Variants in ASCC3 observed in about 807,000 individuals in gnomAD.
ASCC3 encodes activating signal cointegrator 1 complex subunit 3.
ASCC3 carries 158 observed loss-of-function variants against 256.3 expected under a neutral mutation model. The ratio of observed to expected loss-of-function variants is 0.62; its 90% CI spans 0.54 to 0.70. The LOEUF is 0.70. Among genes scored for constraint, ASCC3 ranks in the 30% least tolerant of loss-of-function variants. The pLI, the probability that ASCC3 is intolerant of heterozygous loss-of-function variation, is 0.00. For synonymous variants in ASCC3, 948 were observed against 883.4 expected (o/e 1.07, Z -1.30); for missense variants, 2,259 against 2,626.0 (o/e 0.86, Z 3.05).
intron 37 of ASCC3, among the ~76,000 whole-genome samples, chr6:100,522,039 G>A (rs1039031476): frequency 3.3e-5 from 5 of 152,152 alleles, no homozygotes; most frequent in African/African-American, 9.7e-5. Context: ...AACAATAAAA[G>A]GTTGTTTTAG....
chr6:100,863,247 A>G (rs1262954516), intron 3 of ASCC3, among the ~76,000 whole-genome samples: 1 of 152,218 alleles, frequency 6.6e-6, no homozygotes, highest in Non-Finnish European at 1.5e-5. Flanking sequence ...TTTTAGCCTT[A>G]GGAAAGTAAC....
intron 36 of ASCC3, among the ~76,000 whole-genome samples, chr6:100,576,909 A>AG (rs558065268): frequency 1.6e-3 from 237 of 151,806 alleles, no homozygotes; most frequent in African/African-American, 5.6e-3. Context: ...ATGTCACAGG[A>AG]GAAAAAAAAA....
At chr6:100,801,302 T>C (rs1769904998) in intron 5 of ASCC3, among the ~76,000 whole-genome samples, 1 of 152,084 alleles carries the variant, frequency 6.6e-6, no homozygotes, top group South Asian at 2.1e-4. Context: ...CAATAAACAT[T>C]TACTGTATTG....
chr6:100,606,739 C>T lies in ASCC3; in HGVS notation c.5044+1G>A. Reference sequence around the variant, plus strand: ...TATTTCTGTGAATTTAAGAAAATTACCTGTAATGGGAAAATCCACATAACG... The same window carrying T: ...TATTTCTGTGAATTTAAGAAAATTATCTGTAATGGGAAAATCCACATAACG... On this transcript the variant is annotated splice_donor_variant, in intron 32 of 41. Transcript: ENST00000369162. LOFTEE classifies it high-confidence loss of function. 6.3e-7 allele frequency: 1 copy of T among 1,592,770 alleles called. No individual in the cohort carries two copies. Among genetic ancestry groups the T allele is most frequent in the Non-Finnish European group, 8.5e-7 (1 of 1,173,758 alleles).
At chr6:100,717,227 T>C (rs1456570152) in intron 12 of ASCC3, among the ~76,000 whole-genome samples, 1 of 152,010 alleles carries the variant, frequency 6.6e-6, no homozygotes, top group Non-Finnish European at 1.5e-5. Context: ...GTGAATATTT[T>C]ACCTATAATA....
chr6:100,778,718 TGCA>T (rs1408107987), intron 8 of ASCC3, among the ~76,000 whole-genome samples: 6 of 152,138 alleles, frequency 3.9e-5, no homozygotes, highest in African/African-American at 1.4e-4. Context: ...CATACAACAA[TGCA>T]GATTTTTTAA....
intron 29 of ASCC3, among the ~76,000 whole-genome samples, chr6:100,626,807 T>C (rs1774259856): frequency 6.6e-6 from 1 of 152,130 alleles, no homozygotes; most frequent in African/African-American, 2.4e-5. Context: ...CTCTTGTCTT[T>C]CTTTAAACCT....
At chr6:100,856,427 C>CT in intron 3 of ASCC3, 1 of 979,810 alleles carries the variant, frequency 1.0e-6, no homozygotes, top group Non-Finnish European at 1.2e-6. Context: ...GCATGTGTTA[C>CT]TTATCAATCT....
At position 100,608,118 on chromosome 6, in the gene ASCC3, C is replaced by CATATATGTATATATATG. The variant is rs1773044100; in HGVS notation, c.4786-1031_4786-1030insCATATATATACATATAT. Among the ~76,000 whole-genome samples, 89 of 23,358 alleles carry CATATATGTATATATATG rather than the reference C, an allele frequency of 3.8e-3. 1 individual carries two copies. Among genetic ancestry groups the CATATATGTATATATATG allele is most frequent in the African/African-American group, 0.011 (88 of 8,322 alleles). The allele number at this position is 23,358 out of a possible 152,430, so 15.3% of individuals were successfully genotyped here. A position where few individuals can be genotyped will look rare whatever the true frequency, so the allele number is the denominator to read the frequency against. On this transcript the variant is annotated intron_variant, in intron 30 of 41. Transcript: ENST00000369162. ...TATACACATATATATGTATATATATCTATATATACATATATATGTATATAT... is the reference window on the plus strand; with the variant it reads ...TATACACATATATATGTATATATATCATATATGTATATATATGTATATATACATATATATGTATATAT...
chr6:100,860,884 C>T (rs138486652), intron 3 of ASCC3, among the ~76,000 whole-genome samples: 2 of 152,134 alleles, frequency 1.3e-5, no homozygotes, highest in East Asian at 1.9e-4. Context: ...AAAAGTAAAT[C>T]GTGTCAACTC....
chr6:100,695,413 T>C (rs1778036660), intron 13 of ASCC3, among the ~76,000 whole-genome samples: 1 of 152,136 alleles, frequency 6.6e-6, no homozygotes, highest in Non-Finnish European at 1.5e-5. Flanking sequence ...TGTGTGTCCC[T>C]TCCAGACACC....
chr6:100,836,091 TG>T, intron 4 of ASCC3, among the ~76,000 whole-genome samples: 1 of 152,164 alleles, frequency 6.6e-6, no homozygotes, highest in East Asian at 1.9e-4. Flanking sequence ...TACTGATTTT[TG>T]TATGTTGATT....
intron 4 of ASCC3, among the ~76,000 whole-genome samples, chr6:100,833,794 G>T (rs1248745809): frequency 6.6e-6 from 1 of 152,154 alleles, no homozygotes; most frequent in Non-Finnish European, 1.5e-5. Flanking sequence ...CGCTTTTAAA[G>T]GCTGAAATCC....
At chr6:100,869,425 ATATC>A (rs991065086) in intron 1 of ASCC3, among the ~76,000 whole-genome samples, 1 of 152,344 alleles carries the variant, frequency 6.6e-6, no homozygotes, top group East Asian at 1.9e-4. Flanking sequence ...CAGATACAAA[ATATC>A]TATCTATAAC....
At chr6:100,612,807 C>T (rs1405922681) in intron 30 of ASCC3, among the ~76,000 whole-genome samples, 1 of 151,958 alleles carries the variant, frequency 6.6e-6, no homozygotes, top group African/African-American at 2.4e-5. Flanking sequence ...TATCAATACT[C>T]CCAAAATTTA....
chr6:100,868,455 G>A (rs1224512698), intron 1 of ASCC3, among the ~76,000 whole-genome samples: 1 of 152,122 alleles, frequency 6.6e-6, no homozygotes, highest in African/African-American at 2.4e-5. Context: ...CGTATAGCTG[G>A]CTTCACACTG....
intron 20 of ASCC3, among the ~76,000 whole-genome samples, chr6:100,650,114 A>G (rs1775585539): frequency 6.6e-6 from 1 of 151,696 alleles, no homozygotes; most frequent in South Asian, 2.1e-4. Flanking sequence ...TTGTTTAATG[A>G]TTAAAAATAT....
intron 10 of ASCC3, among the ~76,000 whole-genome samples, chr6:100,748,033 A>C (rs540797006): frequency 6.6e-6 from 1 of 152,164 alleles, no homozygotes; most frequent in South Asian, 2.1e-4. Context: ...TAAAATTTAA[A>C]ATAAGAGCCT....
chr6:100,875,177 A>T (rs572737958), intron 1 of ASCC3, among the ~76,000 whole-genome samples: 21 of 152,266 alleles, frequency 1.4e-4, no homozygotes, highest in Admixed American at 5.2e-4. Context: ...GAATTAAGCC[A>T]GGGAAACACA....
Sources: gnomAD v4.1 joint callset for allele counts (sites outside exome capture counted in the v4.1 genomes callset) on GRCh38, gnomAD v4.1.1 for gene constraint, MANE v1.5 for transcripts, NCBI Gene and HGNC (gene_info 2026-07-23, HGNC 2026-07-21) for gene names.